The following ILRUN variants were observed in gnomAD, a reference collection of about 807,000 sequenced individuals.
The protein encoded by ILRUN is protein ILRUN.
Under a neutral mutation model 33.8 loss-of-function variants are expected in ILRUN, and 3 were observed. That is an observed-to-expected ratio of 0.09 (90% confidence interval 0.04 to 0.23). ILRUN has a LOEUF of 0.23. ILRUN is among the 10% of genes least tolerant of loss of function. The pLI, the probability that ILRUN is intolerant of heterozygous loss-of-function variation, is 1.00. For synonymous variants in ILRUN, 124 were observed against 138.9 expected, an observed-to-expected ratio of 0.89 and a Z score of 0.75; for missense variants, 210 against 375.1, an observed-to-expected ratio of 0.56 and a Z score of 3.64.
At chr6:34,630,737 A>G (rs1398929410) in intron 3 of ILRUN, among the ~76,000 whole-genome samples, 3 of 149,402 alleles carry the variant, frequency 2.0e-5, no homozygotes, top group African/African-American at 7.4e-5. Flanking sequence ...CTGGACTTGA[A>G]CTCCTGGGCT....
At chr6:34,616,931 A>G in intron 3 of ILRUN, 1 of 585,082 alleles carries the variant, frequency 1.7e-6, no homozygotes. Flanking sequence ...AGAACCATAT[A>G]TTGCATAGGA....
chr6:34,612,445 G>A (rs1185475399), intron 3 of ILRUN, among the ~76,000 whole-genome samples: 4 of 151,648 alleles, frequency 2.6e-5, no homozygotes, highest in African/African-American at 4.8e-5. Context: ...AAAAAGCACC[G>A]GAGACAGAAC....
At chr6:34,598,533 T>A (rs1330504463) in intron 4 of ILRUN, among the ~76,000 whole-genome samples, 1 of 152,188 alleles carries the variant, frequency 6.6e-6, no homozygotes, top group Non-Finnish European at 1.5e-5. Flanking sequence ...GGGAAGAGAA[T>A]GGGCCCTTAT....
In ILRUN at chr6:34,588,404, AG is replaced by A; in HGVS notation, c.*2160del. On this transcript the variant is annotated 3_prime_UTR_variant, in exon 5 of 5. Coordinates refer to ENST00000374023, the MANE Select transcript of ILRUN (RefSeq NM_024294.4). The stretch of plus-strand genomic sequence containing the variant: ...GGGCAGAAGAGGAAGTCAGGAAAGC[AG>A]GGGTTGTGAAGCCTCCCACAATCCT... 2.5e-6 allele frequency: 1 copy of A among 396,280 alleles called. No homozygotes were observed. Among genetic ancestry groups the A allele is most frequent in the Non-Finnish European group, 4.4e-6 (1 of 225,088 alleles). 24.5% of individuals were successfully genotyped at this position (396,280 alleles called of 1,614,324 possible).
chr6:34,664,029 T>A (rs1451628619), intron 1 of ILRUN, among the ~76,000 whole-genome samples: 1 of 152,106 alleles, frequency 6.6e-6, no homozygotes, highest in Non-Finnish European at 1.5e-5. Flanking sequence ...GGCCGTGAGC[T>A]AAGGAATGCC....
At chr6:34,616,657 T>C (rs961015461) in intron 3 of ILRUN, 29 of 1,281,564 alleles carry the variant, frequency 2.3e-5, no homozygotes, top group Non-Finnish European at 3.1e-5. Context: ...AAAAGGTGCT[T>C]TGAAAGGCAA....
intron 3 of ILRUN, among the ~76,000 whole-genome samples, chr6:34,613,674 C>G (rs1330833214): frequency 6.6e-6 from 1 of 152,154 alleles, no homozygotes; most frequent in Non-Finnish European, 1.5e-5. Context: ...TGCTGTGGTA[C>G]TGAATTAAAG....
intron 1 of ILRUN, among the ~76,000 whole-genome samples, chr6:34,661,932 TG>T (rs1762893743): frequency 6.6e-6 from 1 of 151,986 alleles, no homozygotes; most frequent in Non-Finnish European, 1.5e-5. Flanking sequence ...GAGACCATCC[TG>T]GCTAAAACAG....
At chr6:34,614,503 T>A (rs2744969) in intron 3 of ILRUN, among the ~76,000 whole-genome samples, 9,602 of 141,856 alleles carry the variant, frequency 0.068, 471 homozygotes, top group East Asian at 0.29. Flanking sequence ...ATATTATATT[T>A]TATATATATA....
chr6:34,587,424 T>G lies in ILRUN; in HGVS notation c.*3141A>C, dbSNP rs932308335. ...CCAGCTGGCTTTCTACACACACCACTGTCCAGGTGGGAAGGGCAGCCACTG... is the reference window on the plus strand; with the variant it reads ...CCAGCTGGCTTTCTACACACACCACGGTCCAGGTGGGAAGGGCAGCCACTG... On this transcript the variant is annotated 3_prime_UTR_variant, in exon 5 of 5. Transcript: ENST00000374023. 1 of 152,640 alleles carries G rather than the reference T, an allele frequency of 6.6e-6. No homozygotes were observed. Among genetic ancestry groups the G allele is most frequent in the African/African-American group, 2.4e-5 (1 of 41,434 alleles). The allele number at this position is 152,640 out of a possible 1,614,324, so 9.5% of individuals were successfully genotyped here.
chr6:34,654,568 T>C (rs1762733419), intron 2 of ILRUN, 57 bp downstream of exon 2: 2 of 1,508,898 alleles, frequency 1.3e-6, no homozygotes, highest in Non-Finnish European at 1.8e-6. Flanking sequence ...TTCCTTCTTA[T>C]TTAACTATTA....
intron 1 of ILRUN, among the ~76,000 whole-genome samples, chr6:34,684,278 A>G (rs1393164448): frequency 2.0e-5 from 3 of 152,134 alleles, no homozygotes; most frequent in African/African-American, 4.8e-5. Flanking sequence ...ACCTAAACAT[A>G]TATTAGTTTG....
Position 34,587,672 on chromosome 6 carries a change from T to C in ILRUN, c.*2893A>G, listed in dbSNP as rs985836723. 9 of 164,970 alleles carry C rather than the reference T, an allele frequency of 5.5e-5. No homozygotes were observed. Among genetic ancestry groups the C allele is most frequent in the Non-Finnish European group, 1.0e-4 (8 of 76,624 alleles). The allele number at this position is 164,970 out of a possible 1,614,324, so 10.2% of individuals were successfully genotyped here. On this transcript the variant is annotated 3_prime_UTR_variant, in exon 5 of 5. Transcript: ENST00000374023. ...GTTCTCTCCAGGCTGGAAGTAACTT[T>C]GATGGGCTTAAGGTTACAGCCAGTC...
At chr6:34,667,694 A>G (rs868045006) in intron 1 of ILRUN, among the ~76,000 whole-genome samples, 9 of 152,240 alleles carry the variant, frequency 5.9e-5, no homozygotes, top group African/African-American at 2.2e-4. Flanking sequence ...ATGTGACGCA[A>G]TAGAAGACAT....
At chr6:34,610,693 T>TACTC (rs1761730141) in intron 3 of ILRUN, among the ~76,000 whole-genome samples, 1 of 152,206 alleles carries the variant, frequency 6.6e-6, no homozygotes, top group African/African-American at 2.4e-5. Context: ...AGATAAGGGA[T>TACTC]ACTCAACCTG....
At position 34,589,415 on chromosome 6, in the gene ILRUN, C is replaced by T. The variant is rs1381805116; in HGVS notation, c.*1150G>A. 2.0e-5 allele frequency: 3 copies of T among 152,332 alleles called. No individual in the cohort carries two copies. The highest frequency in any genetic ancestry group is 4.8e-5 in the African/African-American group (2 of 41,480). The allele number at this position is 152,332 out of a possible 1,614,324, so 9.4% of individuals were successfully genotyped here. On this transcript the variant is annotated 3_prime_UTR_variant, in exon 5 of 5. Coordinates refer to ENST00000374023, the MANE Select transcript of ILRUN (RefSeq NM_024294.4). ...ATCAAGTAGTCAGTGGCTGGCCCTT[C>T]CCCATGACAAATTCCCCCTTTGGGG...
At chr6:34,624,145 CT>C (rs1288607738) in intron 3 of ILRUN, among the ~76,000 whole-genome samples, 1 of 151,012 alleles carries the variant, frequency 6.6e-6, no homozygotes, top group Non-Finnish European at 1.5e-5. Context: ...TTCACCAATT[CT>C]GGTGAATTTA....
rs573702715 is a variant in ILRUN, at chr6:34,654,608, G to C, written c.313+17C>G. On this transcript the variant is annotated intron_variant, in intron 2 of 4. Coordinates refer to ENST00000374023, the MANE Select transcript of ILRUN (RefSeq NM_024294.4). ...AATGAAAACTAGGCAAGGGAGGATT[G>C]CCCATTATGTACTTACCAGAATTCT... The C allele has an allele frequency of 2.5e-6, 4 of 1,589,444 alleles. No homozygotes were observed. The highest frequency in any genetic ancestry group is 3.4e-6 in the Non-Finnish European group (4 of 1,170,184).
rs1562024385 is a variant in ILRUN at position 34,665,473 on chromosome 6, T to C, written c.159-10694A>G. On this transcript the variant is annotated intron_variant, in intron 1 of 4. Coordinates refer to ENST00000374023, the MANE Select transcript of ILRUN (RefSeq NM_024294.4). ...AGAGACAGAGAGAGAAGGAGAGATA[T>C]GGGGGTCTCATTATGTTGCCCACAC... 3.3e-5 allele frequency among the ~76,000 whole-genome samples: 5 copies of C among 151,974 alleles called. No homozygotes were observed. The South Asian group carries it at 1.0e-3, about 32-fold the overall frequency.
Sources: gnomAD v4.1 joint callset for allele counts (sites outside exome capture counted in the v4.1 genomes callset) on GRCh38, gnomAD v4.1.1 for gene constraint, MANE v1.5 for transcripts, NCBI Gene and HGNC (gene_info 2026-07-23, HGNC 2026-07-21) for gene names.